The following CENPC variants were observed in gnomAD, a reference collection of about 807,000 sequenced individuals.
CENPC encodes the protein CENP-C 1.
Under a neutral mutation model 112.1 loss-of-function variants are expected in CENPC, and 63 were observed. That is an observed-to-expected ratio of 0.56 (90% CI 0.46 to 0.69). The LOEUF is 0.69. CENPC is among the 30% of genes least tolerant of loss of function. The pLI, the probability that CENPC is intolerant of heterozygous loss-of-function variation, is 0.00. For synonymous variants in CENPC, 333 were observed against 367.6 expected, an observed-to-expected ratio of 0.91 and a Z score of 1.08; for missense variants, 1,000 against 1,103.8, an observed-to-expected ratio of 0.91 and a Z score of 1.33.
At chr4:67,476,193 CA>C (rs1356186343) in intron 17 of CENPC, among the ~76,000 whole-genome samples, 1 of 152,170 alleles carries the variant, frequency 6.6e-6, no homozygotes, top group Non-Finnish European at 1.5e-5. Flanking sequence ...ATGGACAGAA[CA>C]GCATGTGGAA....
At chr4:67,495,344 T>G in intron 12 of CENPC, 132 bp from the exon 13 acceptor site, 1 of 841,838 alleles carries the variant, frequency 1.2e-6, no homozygotes, top group Non-Finnish European at 1.7e-6. Flanking sequence ...TTATTACTCC[T>G]TTTGCTTTTC....
intron 12 of CENPC, among the ~76,000 whole-genome samples, chr4:67,500,669 T>A (rs993132365): frequency 2.0e-5 from 3 of 152,040 alleles, no homozygotes; most frequent in Admixed American, 2.0e-4. Context: ...TGGTCAAGAT[T>A]TTACAACCCC....
intron 6 of CENPC, 31 bp downstream of exon 6, chr4:67,519,186 G>GT: frequency 6.8e-7 from 1 of 1,463,034 alleles, no homozygotes. Flanking sequence ...AATTTTTAAA[G>GT]TGCGTTAACA....
At chr4:67,473,380 G>A (rs963817111) in intron 18 of CENPC, among the ~76,000 whole-genome samples, 7 of 152,156 alleles carry the variant, frequency 4.6e-5, no homozygotes, top group Non-Finnish European at 8.8e-5. Context: ...CTATATATTA[G>A]AAATTGAGAA....
Position 67,474,923 on chromosome 4 carries a change from A to G in CENPC, c.2726T>C (p.Ile909Thr). Reference protein sequence around the residue: ...LLCTLHETPYILSTGDSFYVP... With the variant: ...LLCTLHETPYTLSTGDSFYVP... ...ATAGAACGAATCCCCAGTACTTAAT[A>G]TATAAGGTGTTTCATGTAAAGTACA... is the stretch of plus-strand genomic sequence containing the variant. The change falls in exon 18 of 19, where the codon ATA becomes ACA. Residue 909 changes from isoleucine (I) to threonine (T), a missense_variant. Physicochemically the swap from Ile to Thr is moderately conservative, Grantham distance 89. Transcript: ENST00000273853. The G allele has an allele frequency of 1.3e-6, 2 of 1,583,282 alleles. No homozygotes were observed. Among genetic ancestry groups the G allele is most frequent in the Non-Finnish European group, 1.7e-6 (2 of 1,160,990 alleles).
At chr4:67,499,297 G>C (rs567564155) in intron 12 of CENPC, among the ~76,000 whole-genome samples, 3 of 152,304 alleles carry the variant, frequency 2.0e-5, no homozygotes, top group African/African-American at 7.2e-5. Context: ...CCTCAGCTAT[G>C]AACGTCCTAG....
chr4:67,544,902 A>C (rs1267245840), intron 1 of CENPC, among the ~76,000 whole-genome samples: 1 of 152,142 alleles, frequency 6.6e-6, no homozygotes, highest in Admixed American at 6.5e-5. Context: ...GTGTGACGCA[A>C]AGACACACTT....
chr4:67,525,347 A>G (rs1726344375), intron 5 of CENPC, among the ~76,000 whole-genome samples: 1 of 152,180 alleles, frequency 6.6e-6, no homozygotes, highest in Non-Finnish European at 1.5e-5. Context: ...TAAATGAAAG[A>G]GCTTCTGCTC....
chr4:67,536,883 CG>C (rs1473183160), intron 4 of CENPC, among the ~76,000 whole-genome samples: 8 of 151,474 alleles, frequency 5.3e-5, no homozygotes, highest in Non-Finnish European at 1.0e-4. Flanking sequence ...CAAAATTAAT[CG>C]ATGAAAAAGA....
chr4:67,472,609 CT>C lies in CENPC; in HGVS notation c.2827del (p.Arg943AspfsTer17). The C allele has an allele frequency of 6.6e-7, 1 of 1,505,586 alleles. No individual in the cohort carries two copies. The highest frequency in any genetic ancestry group is 8.8e-7 in the Non-Finnish European group (1 of 1,132,108). 93.3% of individuals were successfully genotyped at this position (1,505,586 alleles called of 1,614,324 possible). ...ESVLLFTQIK[R>X] is the part of the protein sequence containing the mutation. Reference sequence around the variant, plus strand: ...TATTTAAGGTTGGTTGATCTTTCATCTTTTTATCTGAGTAAAAAGAAGAACA... The same window carrying C: ...TATTTAAGGTTGGTTGATCTTTCATCTTTTATCTGAGTAAAAAGAAGAACA... On this transcript the variant is annotated frameshift_variant, in exon 19 of 19. Coordinates refer to ENST00000273853, the MANE Select transcript of CENPC (RefSeq NM_001812.4). LOFTEE classifies it high-confidence loss of function.
intron 5 of CENPC, among the ~76,000 whole-genome samples, chr4:67,521,585 T>A (rs115587029): frequency 0.03 from 4,637 of 152,298 alleles, 123 homozygotes; most frequent in Non-Finnish European, 0.043. Context: ...ACTGCTAGTG[T>A]GAATGTAGAA....
chr4:67,503,057 G>A (rs1174538426), intron 12 of CENPC, among the ~76,000 whole-genome samples: 2 of 152,084 alleles, frequency 1.3e-5, no homozygotes, highest in East Asian at 3.9e-4. Flanking sequence ...CAGTGATTCT[G>A]TTAATACAGG....
At chr4:67,480,419 A>C (rs1331757866) in intron 17 of CENPC, among the ~76,000 whole-genome samples, 1 of 152,156 alleles carries the variant, frequency 6.6e-6, no homozygotes, top group South Asian at 2.1e-4. Context: ...AAAAGAGACA[A>C]ATTCTTGGAA....
chr4:67,517,286 C>T (rs1361992101), intron 7 of CENPC, among the ~76,000 whole-genome samples: 2 of 151,674 alleles, frequency 1.3e-5, no homozygotes, highest in African/African-American at 2.4e-5. Flanking sequence ...CTCAGCCTCC[C>T]GAATAGCTGG....
chr4:67,524,214 T>C (rs147339746), intron 5 of CENPC, among the ~76,000 whole-genome samples: 2 of 152,200 alleles, frequency 1.3e-5, no homozygotes, highest in African/African-American at 2.4e-5. Context: ...GATGTCACAA[T>C]AGATTTTGCA....
Position 67,495,174 on chromosome 4 carries a change from T to C in CENPC, c.2170A>G (p.Ile724Val). ...ATATTCTTACCTAGTTTGTGATGGA[T>C]TCTGTTCTTTGGTATCACTTTAGAT... ...KQSKVIPKNR[I>V]HHKLVLPSNT... The change falls in exon 13 of 19, where the codon ATC becomes GTC. Residue 724 changes from isoleucine to valine, a missense_variant. Ile to Val is a conservative substitution (Grantham distance 29, BLOSUM62 3). Transcript: ENST00000273853. 6.5e-7 allele frequency: 1 copy of C among 1,530,470 alleles called. No individual in the cohort carries two copies. Among genetic ancestry groups the C allele is most frequent in the Non-Finnish European group, 8.8e-7 (1 of 1,140,338 alleles). The allele number at this position is 1,530,470 out of a possible 1,614,324, so 94.8% of individuals were successfully genotyped here.
chr4:67,537,945 T>C (rs551780179), intron 4 of CENPC, among the ~76,000 whole-genome samples: 6 of 152,284 alleles, frequency 3.9e-5, no homozygotes, highest in Non-Finnish European at 8.8e-5. Context: ...GATCATGTCA[T>C]GGCACTCCAT....
chr4:67,522,014 G>A (rs375626830), intron 5 of CENPC, among the ~76,000 whole-genome samples: 12 of 152,162 alleles, frequency 7.9e-5, no homozygotes, highest in African/African-American at 2.7e-4. Context: ...GGTGGTGATA[G>A]CCTCACAACA....
At position 67,483,448 on chromosome 4, in the gene CENPC, G is replaced by A. The variant is rs1261730493; in HGVS notation, c.2670+6519C>T. The stretch of plus-strand genomic sequence containing the variant: ...ATAAAATATAACACAATTTTGTGTG[G>A]TACAAAACACTTGGTAATGATAATA... On this transcript the variant is annotated intron_variant, in intron 17 of 18. Coordinates refer to ENST00000273853, the MANE Select transcript of CENPC (RefSeq NM_001812.4). Among the ~76,000 whole-genome samples, 4 of 151,976 alleles carry A rather than the reference G, an allele frequency of 2.6e-5. No homozygotes were observed. The East Asian group carries it at 7.7e-4, about 29-fold the overall frequency.
Sources: allele counts gnomAD v4.1 joint callset (sites outside exome capture counted in the v4.1 genomes callset), GRCh38; gene constraint gnomAD v4.1.1; transcripts MANE v1.5; gene names NCBI Gene and HGNC (gene_info 2026-07-23, HGNC 2026-07-21).